Variants in MAP4 observed in about 807,000 individuals in gnomAD.
The protein encoded by MAP4 is microtubule associated protein 4.
A neutral mutation model predicts 170.2 loss-of-function variants in MAP4; 76 were observed. That is an observed-to-expected ratio of 0.45 (90% CI 0.37 to 0.54). The LOEUF is 0.54. Among genes scored for constraint, MAP4 ranks in the 20% least tolerant of loss-of-function variants. MAP4 has a pLI of 0.00. For missense variants in MAP4, 2,506 were observed against 2,748.0 expected (o/e 0.91, Z 1.97); for synonymous variants, 909 against 994.5 (o/e 0.91, Z 1.62).
chr3:47,918,923 TTTTGTTTTG>T (rs1298543248), intron 5 of MAP4, 82 bp from the exon 6 acceptor site: 1 of 1,283,902 alleles, frequency 7.8e-7, no homozygotes, highest in Non-Finnish European at 1.1e-6. Flanking sequence ...TTTTGTTTTG[TTTTGTTTTG>T]TTTGTTTTTT....
At position 47,917,125 on chromosome 3, in the gene MAP4, T is replaced by G; in HGVS notation, c.702A>C (p.Pro234=). The G allele has an allele frequency of 6.2e-7, 1 of 1,614,152 alleles. No homozygotes were observed. The highest frequency in any genetic ancestry group is 8.5e-7 in the Non-Finnish European group (1 of 1,179,956). Residue 234 remains proline, a synonymous_variant, in exon 7 of 21, where the codon CCA becomes CCC. Transcript: ENST00000683076. The part of the protein sequence containing the change: ...KEIEMASEER[P]PAQALEIMMG... ...TCATTATTTCCAATGCTTGTGCTGG[T>G]GGCCTCTCTTCTGATGCCATTTCTA...
chr3:47,984,437 A>T (rs982232630), intron 2 of MAP4, among the ~76,000 whole-genome samples: 2 of 152,234 alleles, frequency 1.3e-5, no homozygotes, highest in African/African-American at 4.8e-5. Context: ...CTTAGATACT[A>T]AAATAGTAGG....
chr3:48,028,205 T>C (rs1181042399), intron 1 of MAP4, among the ~76,000 whole-genome samples: 1 of 152,028 alleles, frequency 6.6e-6, no homozygotes, highest in Non-Finnish European at 1.5e-5. Flanking sequence ...CGCAGGAGAA[T>C]CACTCAAACC....
chr3:48,010,995 T>C (rs2100104947), intron 1 of MAP4, among the ~76,000 whole-genome samples: 1 of 152,286 alleles, frequency 6.6e-6, no homozygotes, highest in Middle Eastern at 3.4e-3. Context: ...CCTTTGGAGA[T>C]ATATCCTATT....
chr3:47,941,779 TC>T (rs2100056641), intron 3 of MAP4, among the ~76,000 whole-genome samples: 1 of 134,408 alleles, frequency 7.4e-6, no homozygotes, highest in African/African-American at 2.8e-5. Context: ...AGGGCAAGAC[TC>T]CGTCTCAAAA....
At chr3:48,040,295 A>G (rs1008528361) in intron 1 of MAP4, among the ~76,000 whole-genome samples, 5 of 151,986 alleles carry the variant, frequency 3.3e-5, no homozygotes, top group Admixed American at 2.6e-4. Flanking sequence ...TTGAGACGGC[A>G]TCTTGCTCTG....
intron 3 of MAP4, among the ~76,000 whole-genome samples, chr3:47,959,251 G>A (rs1424883568): frequency 1.3e-5 from 2 of 152,006 alleles, no homozygotes; most frequent in African/African-American, 4.8e-5. Flanking sequence ...TGGATCACCT[G>A]AGGTCAGGAG....
At chr3:47,870,441 T>C (rs1328860695) in intron 15 of MAP4, among the ~76,000 whole-genome samples, 2 of 152,186 alleles carry the variant, frequency 1.3e-5, no homozygotes, top group Admixed American at 1.3e-4. Flanking sequence ...TGACATTCTC[T>C]GTGCAGGCTA....
chr3:47,865,077 G>A (rs1187919471), intron 17 of MAP4, among the ~76,000 whole-genome samples: 2 of 152,102 alleles, frequency 1.3e-5, no homozygotes, highest in Non-Finnish European at 2.9e-5. Flanking sequence ...GTTTAAGGAA[G>A]CCTCCTAAAG....
intron 2 of MAP4, among the ~76,000 whole-genome samples, chr3:47,993,735 G>T (rs912627259): frequency 6.6e-6 from 1 of 152,232 alleles, no homozygotes; most frequent in African/African-American, 2.4e-5. Flanking sequence ...AGGCGTAAGT[G>T]CTGTAGTCAA....
At position 47,926,802 on chromosome 3, in the gene MAP4, C is replaced by T. The variant is rs538842374; in HGVS notation, c.415+1426G>A. 2.6e-5 allele frequency among the ~76,000 whole-genome samples: 4 copies of T among 152,320 alleles called. No homozygotes were observed. In the South Asian group the frequency reaches 8.3e-4, roughly 32 times the overall value. On this transcript the variant is annotated intron_variant, in intron 4 of 20. Transcript: ENST00000683076. ...CATCCCACCTATGCCTCACAAAGTG[C>T]TGGGATTACAGGCACAAGTCACTGA...
rs1172267023 is a variant in MAP4 at position 47,973,867 on chromosome 3, C to G, written c.292+3998G>C. 3 of 985,216 alleles carry G rather than the reference C, an allele frequency of 3.0e-6. No individual in the cohort carries two copies. In the African/African-American group the frequency reaches 5.2e-5, roughly 17 times the overall value. The allele number at this position is 985,216 out of a possible 1,614,324, so 61.0% of individuals were successfully genotyped here. On this transcript the variant is annotated intron_variant, in intron 3 of 20. Coordinates refer to ENST00000683076, the MANE Select transcript of MAP4 (RefSeq NM_001385682.1). ...TGTGTTTTCTTTGATGGTGTATTCT[C>G]TATGGCAAGAGAGTTTTAATATTTT...
At chr3:47,938,968 T>A (rs1237732666) in intron 3 of MAP4, among the ~76,000 whole-genome samples, 1 of 152,206 alleles carries the variant, frequency 6.6e-6, no homozygotes, top group Non-Finnish European at 1.5e-5. Flanking sequence ...ACCCATCAAA[T>A]GAACCCATCC....
At chr3:47,893,177 T>A (rs1162821054) in intron 10 of MAP4, among the ~76,000 whole-genome samples, 1 of 152,186 alleles carries the variant, frequency 6.6e-6, no homozygotes, top group African/African-American at 2.4e-5. Context: ...AAGAGCTCCA[T>A]CTGTAGCTCT....
intron 1 of MAP4, among the ~76,000 whole-genome samples, chr3:48,031,495 G>A (rs1295593398): frequency 6.6e-6 from 1 of 152,124 alleles, no homozygotes; most frequent in Non-Finnish European, 1.5e-5. Context: ...AAGTTACAGT[G>A]AGCCAAGGTC....
intron 2 of MAP4, among the ~76,000 whole-genome samples, chr3:47,991,175 A>G (rs1254087601): frequency 1.3e-5 from 2 of 152,270 alleles, no homozygotes; most frequent in Non-Finnish European, 2.9e-5. Flanking sequence ...ATGCCATAAA[A>G]GCAACCCTGC....
rs2100042141 is a variant in MAP4, at chr3:47,920,384, G to C, written c.529+1381C>G. ...TGCCTCCCAAAGTGCTGGGATTACA[G>C]GCATGAGCCATTAGGCCCAGCCTAA... On this transcript the variant is annotated intron_variant, in intron 5 of 20. Transcript: ENST00000683076. Among the ~76,000 whole-genome samples the C allele has an allele frequency of 2.6e-5, 4 of 152,078 alleles. No individual in the cohort carries two copies. The South Asian group carries it at 8.3e-4, about 32-fold the overall frequency.
intron 1 of MAP4, among the ~76,000 whole-genome samples, chr3:48,080,953 T>C (rs1459910283): frequency 2.0e-5 from 3 of 152,142 alleles, no homozygotes; most frequent in African/African-American, 7.2e-5. Flanking sequence ...TGAAACCCCG[T>C]CTCTACTAAA....
rs919306164 is a variant in MAP4 at position 47,850,853 on chromosome 3, C to T, written c.*2081G>A. 1 of 150,760 alleles carries T rather than the reference C, an allele frequency of 6.6e-6. No individual in the cohort carries two copies. The highest frequency in any genetic ancestry group is 1.5e-5 in the Non-Finnish European group (1 of 68,002). The allele number at this position is 150,760 out of a possible 1,614,324, so 9.3% of individuals were successfully genotyped here. On this transcript the variant is annotated 3_prime_UTR_variant, in exon 21 of 21. Transcript: ENST00000683076. ...GTACACATCACACAGGGCCTCTGGT[C>T]CCGGCCTTCTCAGGTGCTCTGGAGT...
Sources: gnomAD v4.1 joint callset for allele counts (sites outside exome capture counted in the v4.1 genomes callset) on GRCh38, gnomAD v4.1.1 for gene constraint, MANE v1.5 for transcripts, NCBI Gene and HGNC (gene_info 2026-07-23, HGNC 2026-07-21) for gene names.